Variants in FSTL5 observed in about 807,000 individuals in gnomAD.
The protein encoded by FSTL5 is follistatin like 5.
FSTL5 carries 62 observed loss-of-function variants against 89.1 expected under a neutral mutation model. That is an observed-to-expected ratio of 0.70 (90% CI 0.57 to 0.86). FSTL5 has a LOEUF of 0.86. Among genes scored for constraint, FSTL5 ranks in the 40% least tolerant of loss-of-function variants. The probability of loss-of-function intolerance (pLI) is 0.00; values close to 1 mark genes in which losing one functional copy is unlikely to be tolerated. For synonymous variants in FSTL5, 383 were observed against 346.2 expected (o/e 1.11, Z -1.18); for missense variants, 1,057 against 1,001.6 (o/e 1.06, Z -0.75).
chr4:161,826,307 C>A (rs895977291), intron 4 of FSTL5, among the ~76,000 whole-genome samples: 1 of 152,066 alleles, frequency 6.6e-6, no homozygotes, highest in Non-Finnish European at 1.5e-5. Context: ...TATGGTCTCT[C>A]TTGGAGAAAG....
chr4:161,828,857 A>G (rs1379015166), intron 4 of FSTL5, among the ~76,000 whole-genome samples: 1 of 152,182 alleles, frequency 6.6e-6, no homozygotes, highest in East Asian at 1.9e-4. Flanking sequence ...CAACCTGCAT[A>G]CAAAGAAAGA....
intron 6 of FSTL5, among the ~76,000 whole-genome samples, chr4:161,756,990 G>T (rs1740592491): frequency 6.6e-6 from 1 of 152,108 alleles, no homozygotes; most frequent in Non-Finnish European, 1.5e-5. Flanking sequence ...TGGAGGTAGT[G>T]GTTAGGAGAT....
At chr4:162,037,171 A>C (rs1737773150) in intron 2 of FSTL5, among the ~76,000 whole-genome samples, 1 of 151,886 alleles carries the variant, frequency 6.6e-6, no homozygotes. Flanking sequence ...GTATATGGTT[A>C]TTGAAAGGGT....
intron 4 of FSTL5, among the ~76,000 whole-genome samples, chr4:161,898,904 C>T (rs1310612682): frequency 1.3e-5 from 2 of 152,072 alleles, no homozygotes; most frequent in Admixed American, 6.6e-5. Context: ...CCTGGGATTA[C>T]AAGCCTGAGC....
rs1043425578 is a variant in FSTL5 at position 161,384,352 on chromosome 4, T to G, written c.*1395A>C. On this transcript the variant is annotated 3_prime_UTR_variant, in exon 16 of 16. Coordinates refer to ENST00000306100, the MANE Select transcript of FSTL5 (RefSeq NM_020116.5). ...TTGCAACAATAAAAACAAAAATAAG[T>G]ACAAGGATTTTCAAAACATGTAAGC... is the stretch of plus-strand genomic sequence containing the variant. 41 of 152,256 alleles carry G rather than the reference T, an allele frequency of 2.7e-4. No homozygotes were observed. The highest frequency in any genetic ancestry group is 9.1e-4 in the African/African-American group (38 of 41,584). 9.4% of individuals were successfully genotyped at this position (152,256 alleles called of 1,614,324 possible). A position where few individuals can be genotyped will look rare whatever the true frequency, so the allele number is the denominator to read the frequency against.
chr4:162,031,631 AT>A, intron 3 of FSTL5, among the ~76,000 whole-genome samples: 1 of 152,212 alleles, frequency 6.6e-6, no homozygotes, highest in African/African-American at 2.4e-5. Flanking sequence ...TGTATCTCTG[AT>A]TTACTTAAAA....
At chr4:161,944,375 A>G (rs1318174450) in intron 3 of FSTL5, among the ~76,000 whole-genome samples, 1 of 152,104 alleles carries the variant, frequency 6.6e-6, no homozygotes, top group Non-Finnish European at 1.5e-5. Context: ...AATTAGAAAA[A>G]AATTTAAAAG....
At chr4:162,016,588 G>A (rs927480609) in intron 3 of FSTL5, among the ~76,000 whole-genome samples, 7 of 152,116 alleles carry the variant, frequency 4.6e-5, no homozygotes, top group Admixed American at 2.0e-4. Context: ...GGACTTTAGT[G>A]TCTCTAGATT....
chr4:161,699,708 T>C (rs1738308810), intron 6 of FSTL5, among the ~76,000 whole-genome samples: 1 of 152,184 alleles, frequency 6.6e-6, no homozygotes, highest in Non-Finnish European at 1.5e-5. Flanking sequence ...AGTTTTGCAT[T>C]ATTCACCCCA....
At chr4:161,892,685 A>G (rs977795350) in intron 4 of FSTL5, among the ~76,000 whole-genome samples, 1 of 152,070 alleles carries the variant, frequency 6.6e-6, no homozygotes, top group Non-Finnish European at 1.5e-5. Context: ...CTGATTTATT[A>G]ACTTTTCCAA....
chr4:161,850,927 G>A (rs1406503098), intron 4 of FSTL5, among the ~76,000 whole-genome samples: 1 of 152,176 alleles, frequency 6.6e-6, no homozygotes, highest in East Asian at 1.9e-4. Context: ...CTATCTGGAA[G>A]AATAGCCAAT....
chr4:161,993,002 A>G (rs1291838877), intron 3 of FSTL5, among the ~76,000 whole-genome samples: 2 of 146,800 alleles, frequency 1.4e-5, no homozygotes, highest in African/African-American at 2.5e-5. Flanking sequence ...ACATGTTTCA[A>G]TAGGTTGCAC....
chr4:161,880,044 G>C (rs1414765975), intron 4 of FSTL5, among the ~76,000 whole-genome samples: 1 of 152,056 alleles, frequency 6.6e-6, no homozygotes, highest in Non-Finnish European at 1.5e-5. Flanking sequence ...AGTCACATCA[G>C]CCAAGCCCCT....
At chr4:161,883,344 C>T (rs556100747) in intron 4 of FSTL5, among the ~76,000 whole-genome samples, 10 of 152,288 alleles carry the variant, frequency 6.6e-5, no homozygotes, top group East Asian at 3.9e-4. Context: ...ACATTCTCTA[C>T]GTGCCTAACT....
intron 2 of FSTL5, among the ~76,000 whole-genome samples, chr4:162,083,481 GT>G (rs1730183300): frequency 1.3e-5 from 2 of 151,388 alleles, no homozygotes; most frequent in African/African-American, 4.8e-5. Context: ...ATAAATATAC[GT>G]TTTTCATTAA....
intron 8 of FSTL5, among the ~76,000 whole-genome samples, chr4:161,562,711 T>C (rs764116997): frequency 1.3e-4 from 20 of 151,692 alleles, no homozygotes; most frequent in Non-Finnish European, 2.9e-4. Flanking sequence ...TAATATAAAA[T>C]GTACCCTGTT....
At chr4:161,695,619 A>G (rs971952665) in intron 6 of FSTL5, among the ~76,000 whole-genome samples, 1 of 152,026 alleles carries the variant, frequency 6.6e-6, no homozygotes, top group Admixed American at 6.6e-5. Flanking sequence ...GACTGCCAAC[A>G]TCCTTTGTTT....
chr4:161,936,451 GAAAC>G (rs1228831249), intron 3 of FSTL5, among the ~76,000 whole-genome samples: 1 of 152,068 alleles, frequency 6.6e-6, no homozygotes, highest in Non-Finnish European at 1.5e-5. Flanking sequence ...AGAACTGGAG[GAAAC>G]AAACAAAATA....
intron 7 of FSTL5, among the ~76,000 whole-genome samples, chr4:161,588,223 C>T (rs959672358): frequency 3.3e-5 from 5 of 151,368 alleles, no homozygotes; most frequent in Admixed American, 3.3e-4. Context: ...ATTAGCATAG[C>T]TATAATGTGT....
Sources: gnomAD v4.1 joint callset for allele counts (sites outside exome capture counted in the v4.1 genomes callset) on GRCh38, gnomAD v4.1.1 for gene constraint, MANE v1.5 for transcripts, NCBI Gene and HGNC (gene_info 2026-07-23, HGNC 2026-07-21) for gene names.